Variants in B3GLCT observed in about 807,000 individuals in gnomAD.
B3GLCT encodes the protein beta-1,3-glucosyltransferase.
In B3GLCT, 65 loss-of-function variants were observed where a neutral mutation model predicts 63.4. The ratio of observed to expected loss-of-function variants is 1.03; its 90% confidence interval spans 0.84 to 1.26. The LOEUF is 1.26. Among genes scored for constraint, B3GLCT ranks in the 50% most tolerant of loss-of-function variants. B3GLCT has a pLI of 0.00. For synonymous variants in B3GLCT, 233 were observed against 219.2 expected (o/e 1.06, Z -0.55); for missense variants, 577 against 604.8 (o/e 0.95, Z 0.48).
At chr13:31,276,893 T>C (rs1427223235) in intron 10 of B3GLCT, 122 bp downstream of exon 10, 8 of 770,264 alleles carry the variant, frequency 1.0e-5, no homozygotes, top group Non-Finnish European at 1.4e-5. Context: ...GATGTTGAAG[T>C]GAAAGCAGTT....
intron 4 of B3GLCT, among the ~76,000 whole-genome samples, chr13:31,239,270 A>G (rs977428733): frequency 6.6e-6 from 1 of 152,218 alleles, no homozygotes; most frequent in African/African-American, 2.4e-5. Context: ...AGAGGAATAC[A>G]GAGTTTGAAG....
intron 8 of B3GLCT, 59 bp from the exon 9 acceptor site, chr13:31,274,449 CT>C: frequency 6.2e-7 from 1 of 1,610,294 alleles, no homozygotes; most frequent in Non-Finnish European, 8.5e-7. Context: ...TATTTTGTCC[CT>C]TCTTATACTT....
chr13:31,200,543 TGGC>T (rs890866549), intron 1 of B3GLCT, among the ~76,000 whole-genome samples: 2 of 149,628 alleles, frequency 1.3e-5, no homozygotes, highest in African/African-American at 4.9e-5. Context: ...ACAGCGCGAG[TGGC>T]GGCGGCGGCG....
intron 1 of B3GLCT, among the ~76,000 whole-genome samples, chr13:31,213,565 C>T (rs1869385238): frequency 6.8e-6 from 1 of 146,478 alleles, no homozygotes; most frequent in Non-Finnish European, 1.5e-5. Context: ...CTAGCCTGGG[C>T]AACAGAGTGA....
chr13:31,320,650 T>A (rs576977340), intron 13 of B3GLCT, among the ~76,000 whole-genome samples: 2 of 152,376 alleles, frequency 1.3e-5, no homozygotes, highest in South Asian at 4.1e-4. Context: ...CCATTGCCTT[T>A]AGGATCAAGT....
In B3GLCT at chr13:31,330,448, T is replaced by G. The variant is rs958548946; in HGVS notation, c.*780T>G. ...TGCCAGAAAATAGTGTCCTCAATAT[T>G]TTAAAACAATGTTGACATGTTTTGT... On this transcript the variant is annotated 3_prime_UTR_variant, in exon 15 of 15. Transcript: ENST00000343307. The G allele has an allele frequency of 1.3e-5, 2 of 152,190 alleles. No homozygotes were observed. The highest frequency in any genetic ancestry group is 2.9e-5 in the Non-Finnish European group (2 of 68,038). The allele number at this position is 152,190 out of a possible 1,614,324, so 9.4% of individuals were successfully genotyped here. A position where few individuals can be genotyped will look rare whatever the true frequency, so the allele number is the denominator to read the frequency against.
intron 4 of B3GLCT, among the ~76,000 whole-genome samples, chr13:31,233,871 T>G (rs1421068892): frequency 6.6e-6 from 1 of 152,156 alleles, no homozygotes; most frequent in Non-Finnish European, 1.5e-5. Context: ...TCTATGAACC[T>G]CTCATTCATT....
At chr13:31,276,836 C>T (rs1276263775) in intron 10 of B3GLCT, 65 bp downstream of exon 10, 1 of 1,185,788 alleles carries the variant, frequency 8.4e-7, no homozygotes, top group Non-Finnish European at 1.3e-6. Context: ...AGAAAAGTAC[C>T]AATGAATTCT....
intron 4 of B3GLCT, among the ~76,000 whole-genome samples, chr13:31,240,557 T>C (rs1218159253): frequency 6.6e-6 from 1 of 151,488 alleles, no homozygotes; most frequent in Non-Finnish European, 1.5e-5. Context: ...CATAGATTAG[T>C]GTAAAGAAGC....
chr13:31,294,734 T>G (rs1275097575), intron 12 of B3GLCT, among the ~76,000 whole-genome samples: 1 of 152,210 alleles, frequency 6.6e-6, no homozygotes, highest in Non-Finnish European at 1.5e-5. Context: ...GTTCTTAGCT[T>G]CCTTGCATTG....
chr13:31,226,939 T>A (rs1255765112), intron 3 of B3GLCT, among the ~76,000 whole-genome samples: 1 of 152,210 alleles, frequency 6.6e-6, no homozygotes, highest in Non-Finnish European at 1.5e-5. Context: ...CCTGATTTGG[T>A]ATTTATCATA....
chr13:31,202,188 T>C (rs1868707420), intron 1 of B3GLCT, among the ~76,000 whole-genome samples: 1 of 152,212 alleles, frequency 6.6e-6, no homozygotes, highest in Non-Finnish European at 1.5e-5. Flanking sequence ...CTATATAGTT[T>C]AGTTTCCCCA....
rs948196628 is a variant in B3GLCT at position 31,317,767 on chromosome 13, A to T, written c.1184+82A>T. ...CGAGAGGTAGGTCTCTGGCACTGGG[A>T]TCTATACTGTACGTGAGTACTCTGT... On this transcript the variant is annotated intron_variant, in intron 13 of 14. Coordinates refer to ENST00000343307, the MANE Select transcript of B3GLCT (RefSeq NM_194318.4). 88 of 1,559,192 alleles carry T rather than the reference A, an allele frequency of 5.6e-5. No homozygotes were observed. In the African/African-American group the frequency reaches 1.1e-3, roughly 19 times the overall value.
intron 3 of B3GLCT, among the ~76,000 whole-genome samples, chr13:31,226,875 C>T (rs1307738155): frequency 2.0e-5 from 3 of 152,032 alleles, no homozygotes; most frequent in Admixed American, 6.6e-5. Context: ...TAAAATATCA[C>T]CTAGATTAAG....
chr13:31,220,843 T>C lies in B3GLCT; in HGVS notation c.121-2109T>C, dbSNP rs532974180. ...GATAGCTATCTGATGGAAAGTCCAGTTGGCTTTTCAGCTTCAGTTGCTTAG... is the reference window on the plus strand; with the variant it reads ...GATAGCTATCTGATGGAAAGTCCAGCTGGCTTTTCAGCTTCAGTTGCTTAG... On this transcript the variant is annotated intron_variant, in intron 2 of 14. Transcript: ENST00000343307. Among the ~76,000 whole-genome samples the C allele has an allele frequency of 1.7e-4, 26 of 152,368 alleles. No homozygotes were observed. The East Asian group carries it at 4.8e-3, about 28-fold the overall frequency.
intron 11 of B3GLCT, among the ~76,000 whole-genome samples, chr13:31,285,017 C>T (rs1368742991): frequency 2.0e-5 from 3 of 152,236 alleles, no homozygotes; most frequent in East Asian, 3.9e-4. Context: ...ATAGATTTTT[C>T]ATACCTTCAT....
chr13:31,322,248 T>C (rs1188150588), intron 13 of B3GLCT, among the ~76,000 whole-genome samples: 3 of 152,258 alleles, frequency 2.0e-5, no homozygotes, highest in African/African-American at 7.2e-5. Context: ...GCAGGCAGTG[T>C]TACCCAGAGA....
chr13:31,262,871 C>T (rs1872106084), intron 7 of B3GLCT, among the ~76,000 whole-genome samples: 2 of 152,170 alleles, frequency 1.3e-5, no homozygotes, highest in Non-Finnish European at 2.9e-5. Context: ...GGTCTGACTT[C>T]TCCATGGGAG....
Position 31,323,892 on chromosome 13 carries a change from T to C in B3GLCT, c.1326T>C (p.His442=). ...GIPVTHSPLF[H]QARPVDYPKD... ...CTGTGACACACAGCCCTCTCTTCCA[T>C]CAGGTGAGGAAATGGTTTTTATTCT... is the stretch of plus-strand genomic sequence containing the variant. The change falls in exon 14 of 15, where the codon CAT becomes CAC. Residue 442 remains histidine (H), a synonymous_variant. Transcript: ENST00000343307. 1 of 1,614,168 alleles carries C rather than the reference T, an allele frequency of 6.2e-7. No homozygotes were observed. The highest frequency in any genetic ancestry group is 8.5e-7 in the Non-Finnish European group (1 of 1,180,000).
Sources: gnomAD v4.1 joint callset for allele counts (sites outside exome capture counted in the v4.1 genomes callset) on GRCh38, gnomAD v4.1.1 for gene constraint, MANE v1.5 for transcripts, NCBI Gene and HGNC (gene_info 2026-07-23, HGNC 2026-07-21) for gene names.